Variants in DCLK1 observed in about 807,000 individuals in gnomAD.
DCLK1 encodes doublecortin like kinase 1.
DCLK1 carries 16 observed loss-of-function variants against 86.2 expected under a neutral mutation model. That is an observed-to-expected ratio of 0.19 (90% CI 0.13 to 0.28). The LOEUF is 0.28. DCLK1 is among the 10% of genes least tolerant of loss of function. The pLI is 1.00. For missense variants in DCLK1, 590 were observed against 940.2 expected (o/e 0.63, Z 4.87); for synonymous variants, 369 against 370.5 (o/e 1.00, Z 0.05).
intron 4 of DCLK1, among the ~76,000 whole-genome samples, chr13:35,914,689 C>T (rs1875302425): frequency 6.7e-6 from 1 of 150,112 alleles, no homozygotes; most frequent in South Asian, 2.1e-4. Context: ...GCACTCCAGC[C>T]TGGGTGGCAG....
chr13:36,108,666 C>T (rs991316768), intron 3 of DCLK1, among the ~76,000 whole-genome samples: 12 of 152,238 alleles, frequency 7.9e-5, no homozygotes, highest in East Asian at 1.9e-4. Flanking sequence ...TTCCTCTCTA[C>T]GCATTTACTC....
At chr13:35,793,882 A>G (rs951133150) in intron 15 of DCLK1, among the ~76,000 whole-genome samples, 1 of 152,112 alleles carries the variant, frequency 6.6e-6, no homozygotes, top group African/African-American at 2.4e-5. Flanking sequence ...CATCATTTAG[A>G]CCCAAAGCCA....
intron 4 of DCLK1, among the ~76,000 whole-genome samples, chr13:35,907,866 A>G (rs1213972664): frequency 6.6e-6 from 1 of 151,856 alleles, no homozygotes; most frequent in Non-Finnish European, 1.5e-5. Flanking sequence ...AGAGCCTAAA[A>G]ACCAAAGTAT....
chr13:36,099,581 C>T (rs1885125293), intron 3 of DCLK1, among the ~76,000 whole-genome samples: 1 of 152,178 alleles, frequency 6.6e-6, no homozygotes, highest in South Asian at 2.1e-4. Context: ...TAAGGTATTC[C>T]CAATGCCTGG....
At position 35,971,785 on chromosome 13, in the gene DCLK1, T is replaced by C. The variant is rs1179959938; in HGVS notation, c.724-24328A>G. On this transcript the variant is annotated intron_variant, in intron 3 of 16. Coordinates refer to ENST00000360631, the MANE Select transcript of DCLK1 (RefSeq NM_001330071.2). Reference sequence around the variant, plus strand: ...TCTCAAAAAAAAAAAAAAAATTCCATAGTAAAGGCACTCTCCCTGTTAATG... The same window carrying C: ...TCTCAAAAAAAAAAAAAAAATTCCACAGTAAAGGCACTCTCCCTGTTAATG... Among the ~76,000 whole-genome samples, 6 of 150,800 alleles carry C rather than the reference T, an allele frequency of 4.0e-5. No individual in the cohort carries two copies. In the East Asian group the frequency reaches 5.8e-4, roughly 15 times the overall value.
At chr13:36,007,618 G>T (rs563440245) in intron 3 of DCLK1, among the ~76,000 whole-genome samples, 84 of 152,276 alleles carry the variant, frequency 5.5e-4, no homozygotes, top group East Asian at 1.9e-4. Flanking sequence ...ATTCTATATT[G>T]TAAGAATATT....
intron 10 of DCLK1, among the ~76,000 whole-genome samples, chr13:35,826,740 G>A (rs997187039): frequency 2.0e-5 from 3 of 151,752 alleles, no homozygotes; most frequent in South Asian, 2.1e-4. Context: ...TGCTTTCCTC[G>A]TCTTGAATTT....
At chr13:35,806,512 T>C (rs2087030475) in intron 14 of DCLK1, among the ~76,000 whole-genome samples, 1 of 152,216 alleles carries the variant, frequency 6.6e-6, no homozygotes, top group Non-Finnish European at 1.5e-5. Flanking sequence ...AATTGTCCAC[T>C]CTGGATTAGA....
chr13:35,882,615 C>A (rs1309015918), intron 4 of DCLK1, among the ~76,000 whole-genome samples: 1 of 152,138 alleles, frequency 6.6e-6, no homozygotes, highest in Non-Finnish European at 1.5e-5. Flanking sequence ...TCTTTGGGTG[C>A]ATTATTTTAG....
At chr13:35,928,565 C>A (rs1196007401) in intron 4 of DCLK1, among the ~76,000 whole-genome samples, 1 of 152,210 alleles carries the variant, frequency 6.6e-6, no homozygotes, top group Non-Finnish European at 1.5e-5. Context: ...CACTTACCTT[C>A]CGATACACTA....
At chr13:35,943,772 C>A (rs961557338) in intron 4 of DCLK1, among the ~76,000 whole-genome samples, 1 of 152,186 alleles carries the variant, frequency 6.6e-6, no homozygotes, top group Non-Finnish European at 1.5e-5. Context: ...CTCAACAAAA[C>A]CCTATCACTT....
At chr13:36,049,944 C>T (rs187939191) in intron 3 of DCLK1, among the ~76,000 whole-genome samples, 260 of 152,118 alleles carry the variant, frequency 1.7e-3, no homozygotes, top group African/African-American at 6.1e-3. Flanking sequence ...TGGGTGGAAT[C>T]CCTGATTTGT....
At chr13:35,909,152 C>A (rs1046952819) in intron 4 of DCLK1, among the ~76,000 whole-genome samples, 2 of 152,110 alleles carry the variant, frequency 1.3e-5, no homozygotes, top group African/African-American at 4.8e-5. Context: ...CACCCGGGAG[C>A]GGCATTTTAT....
chr13:35,936,064 C>T (rs907826311), intron 4 of DCLK1, among the ~76,000 whole-genome samples: 1 of 151,914 alleles, frequency 6.6e-6, no homozygotes, highest in Admixed American at 6.6e-5. Context: ...GAAAAGCAAA[C>T]CTGAAAGGAG....
intron 3 of DCLK1, among the ~76,000 whole-genome samples, chr13:36,106,045 A>G (rs1227909010): frequency 6.6e-6 from 1 of 152,250 alleles, no homozygotes; most frequent in Non-Finnish European, 1.5e-5. Context: ...ACCTATCTTC[A>G]GTACAGCAGT....
intron 4 of DCLK1, among the ~76,000 whole-genome samples, chr13:35,882,664 T>C (rs917632565): frequency 4.6e-5 from 7 of 152,064 alleles, no homozygotes; most frequent in African/African-American, 1.7e-4. Flanking sequence ...CCTCTGGGCA[T>C]TGGAATATTT....
At chr13:35,810,688 A>T in intron 12 of DCLK1, 147 bp downstream of exon 12, 1 of 1,074,898 alleles carries the variant, frequency 9.3e-7, no homozygotes, top group Non-Finnish European at 1.3e-6. Flanking sequence ...TGTAAATGTT[A>T]AAGAATAAAA....
intron 16 of DCLK1, among the ~76,000 whole-genome samples, chr13:35,779,975 C>G (rs76045827): frequency 0.062 from 8,912 of 143,508 alleles, 392 homozygotes; most frequent in Admixed American, 0.13. Context: ...AAAATTTCTT[C>G]CCCGCCCCTG....
chr13:35,878,957 T>A (rs1414086853), intron 4 of DCLK1, among the ~76,000 whole-genome samples: 1 of 152,106 alleles, frequency 6.6e-6, no homozygotes, highest in Non-Finnish European at 1.5e-5. Flanking sequence ...AGCTGATTTT[T>A]GTATTATTAG....
Sources: gnomAD v4.1 joint callset for allele counts (sites outside exome capture counted in the v4.1 genomes callset) on GRCh38, gnomAD v4.1.1 for gene constraint, MANE v1.5 for transcripts, NCBI Gene and HGNC (gene_info 2026-07-23, HGNC 2026-07-21) for gene names.